Variants in DLGAP1 observed in about 807,000 individuals in gnomAD.
DLGAP1 encodes DLG associated protein 1, also known as disks large-associated protein 1.
Under a neutral mutation model 90.8 loss-of-function variants are expected in DLGAP1, and 11 were observed. The observed-to-expected ratio is 0.12, with a 90% confidence interval of 0.08 to 0.20. The LOEUF (loss-of-function observed/expected upper bound fraction) is 0.20, where lower values mean the gene tolerates loss of function less well. Ranked by LOEUF, DLGAP1 falls within the 10% of genes least tolerant of loss-of-function variation. DLGAP1 has a pLI of 1.00. For synonymous variants in DLGAP1, 558 were observed against 540.7 expected, an observed-to-expected ratio of 1.03 and a Z score of -0.44; for missense variants, 1,050 against 1,333.8, an observed-to-expected ratio of 0.79 and a Z score of 3.31.
intron 4 of DLGAP1, among the ~76,000 whole-genome samples, chr18:3,814,608 G>A (rs1238780506): frequency 4.6e-5 from 7 of 151,994 alleles, no homozygotes; most frequent in Non-Finnish European, 8.8e-5. Context: ...TGATCTGCCC[G>A]CCTCGGCCTC....
In DLGAP1 at chr18:3,879,270, C is replaced by G. The variant is rs930141327; in HGVS notation, c.799G>C (p.Val267Leu). 6.3e-6 allele frequency: 10 copies of G among 1,598,596 alleles called. No individual in the cohort carries two copies. The highest frequency in any genetic ancestry group is 1.3e-5 in the African/African-American group (1 of 74,678). ...VKCSTCANLP[V>L]SLDTPLLKKS... ...TTCAGCAGCGGGGTGTCCAGGCTGA[C>G]CGGCAGGTTGGCGCAGGTGGAGCAC... The change falls in exon 4 of 13, where the codon GTC becomes CTC. Residue 267 changes from valine (V) to leucine (L), a missense_variant. Val to Leu is a conservative substitution (Grantham distance 32, BLOSUM62 1). Coordinates refer to ENST00000315677, the MANE Select transcript of DLGAP1 (RefSeq NM_004746.4). This position sits in a 1 kb window ranked among gnomAD's most constrained non-coding sequence, Gnocchi z 6.6.
At chr18:3,874,681 A>G (rs2148814909) in intron 4 of DLGAP1, 1 of 1,535,488 alleles carries the variant, frequency 6.5e-7, no homozygotes, top group African/African-American at 1.4e-5. Flanking sequence ...CTGAGAATTA[A>G]ACAGTTTTAA....
chr18:4,329,597 T>A (rs1261307870), intron 1 of DLGAP1, among the ~76,000 whole-genome samples: 1 of 151,984 alleles, frequency 6.6e-6, no homozygotes, highest in Non-Finnish European at 1.5e-5. Context: ...GAAAATAATA[T>A]CTCAACACGG....
At chr18:3,860,102 A>AAAT (rs1261336507) in intron 4 of DLGAP1, among the ~76,000 whole-genome samples, 1 of 96,020 alleles carries the variant, frequency 1.0e-5, no homozygotes, top group Non-Finnish European at 2.1e-5. Context: ...CTGTCTCAAA[A>AAAT]AATAAATAAA....
chr18:4,322,788 C>T lies in DLGAP1; in HGVS notation c.-267+132218G>A, dbSNP rs565300136. Reference sequence around the variant, plus strand: ...CATCCTGGCTAACATGGTGAAACTCCGTCTCTACGAAAAAATACAAAAATT... The same window carrying T: ...CATCCTGGCTAACATGGTGAAACTCTGTCTCTACGAAAAAATACAAAAATT... On this transcript the variant is annotated intron_variant, in intron 1 of 12. Coordinates refer to ENST00000315677, the MANE Select transcript of DLGAP1 (RefSeq NM_004746.4). Among the ~76,000 whole-genome samples, 74 of 151,948 alleles carry T rather than the reference C, an allele frequency of 4.9e-4. 1 individual carries two copies. The highest frequency in any genetic ancestry group is 4.0e-3 in the South Asian group (19 of 4,810).
At chr18:3,507,970 C>G (rs567421234) in intron 11 of DLGAP1, among the ~76,000 whole-genome samples, 39 of 152,328 alleles carry the variant, frequency 2.6e-4, no homozygotes, top group Non-Finnish European at 4.0e-4. Context: ...CTCCTGACCT[C>G]AGGTGATCCG....
intron 7 of DLGAP1, among the ~76,000 whole-genome samples, chr18:3,609,778 C>G (rs1002649606): frequency 1.3e-5 from 2 of 151,716 alleles, no homozygotes; most frequent in Non-Finnish European, 2.9e-5. Context: ...ATCTCGGAGG[C>G]CGGGCGCGGT....
In DLGAP1 at chr18:4,255,168, C is replaced by G. The variant is rs77966883; in HGVS notation, c.-266-103881G>C. 6.4e-3 allele frequency among the ~76,000 whole-genome samples: 981 copies of G among 152,246 alleles called. 11 individuals carry two copies. Among genetic ancestry groups the G allele is most frequent in the African/African-American group, 0.022 (930 of 41,534 alleles). On this transcript the variant is annotated intron_variant, in intron 1 of 12. Transcript: ENST00000315677. The stretch of plus-strand genomic sequence containing the variant: ...TTGATGCATTATGGAAAAGAGCGCA[C>G]AGTCAAGTTCATCTATCCTTTAGAT...
At chr18:3,510,718 T>C (rs1214427743) in intron 10 of DLGAP1, among the ~76,000 whole-genome samples, 37 of 152,212 alleles carry the variant, frequency 2.4e-4, no homozygotes, top group Admixed American at 2.4e-3. Flanking sequence ...CCATAGCTCC[T>C]GGGAGCTATC....
chr18:4,269,544 C>T (rs569285650), intron 1 of DLGAP1, among the ~76,000 whole-genome samples: 49 of 151,638 alleles, frequency 3.2e-4, no homozygotes, highest in Middle Eastern at 3.4e-3. Context: ...TTAGTAGAGA[C>T]GGGGTTTCAC....
At chr18:4,115,798 T>C (rs1443389826) in intron 2 of DLGAP1, among the ~76,000 whole-genome samples, 1 of 152,230 alleles carries the variant, frequency 6.6e-6, no homozygotes, top group Non-Finnish European at 1.5e-5. Flanking sequence ...GATATAGTTT[T>C]GCTCCTACCA....
In DLGAP1 at chr18:3,508,559, G is replaced by A; in HGVS notation, c.2571+11C>T. ...CTAGCAGGGAAATTGTAGAAGGAGA[G>A]TGTTACCTACCAGGTTTTCTTCACA... is the stretch of plus-strand genomic sequence containing the variant. On this transcript the variant is annotated intron_variant, in intron 11 of 12. Coordinates refer to ENST00000315677, the MANE Select transcript of DLGAP1 (RefSeq NM_004746.4). The A allele has an allele frequency of 6.2e-7, 1 of 1,600,918 alleles. No individual in the cohort carries two copies. The highest frequency in any genetic ancestry group is 8.5e-7 in the Non-Finnish European group (1 of 1,170,608).
chr18:3,924,747 T>C (rs1243346898), intron 3 of DLGAP1, among the ~76,000 whole-genome samples: 1 of 152,200 alleles, frequency 6.6e-6, no homozygotes, highest in Non-Finnish European at 1.5e-5. Flanking sequence ...GAAATTGGAA[T>C]CTTGCAATTT....
At chr18:4,176,594 G>A (rs1001470377) in intron 1 of DLGAP1, among the ~76,000 whole-genome samples, 9 of 152,136 alleles carry the variant, frequency 5.9e-5, no homozygotes, top group African/African-American at 2.2e-4. Context: ...CAACACTACA[G>A]AAGTCTCCTT....
intron 2 of DLGAP1, among the ~76,000 whole-genome samples, chr18:4,063,648 C>G (rs905804852): frequency 1.6e-4 from 24 of 152,034 alleles, no homozygotes; most frequent in Non-Finnish European, 1.9e-4. Flanking sequence ...CTATAAAAAT[C>G]TGAAAAGAAA....
intron 1 of DLGAP1, among the ~76,000 whole-genome samples, chr18:4,245,688 G>C (rs1382816889): frequency 3.9e-5 from 6 of 152,180 alleles, no homozygotes; most frequent in Non-Finnish European, 8.8e-5. Context: ...GAATCCGCTT[G>C]GGTGGTATCG....
intron 1 of DLGAP1, among the ~76,000 whole-genome samples, chr18:4,447,718 G>C (rs2083702775): frequency 6.6e-6 from 1 of 152,102 alleles, no homozygotes; most frequent in Non-Finnish European, 1.5e-5. Flanking sequence ...AAAAGAGAAA[G>C]GAAAGAGTCA....
chr18:3,642,550 C>G (rs928781092), intron 7 of DLGAP1, among the ~76,000 whole-genome samples: 3 of 152,194 alleles, frequency 2.0e-5, no homozygotes, highest in Admixed American at 6.5e-5. Flanking sequence ...TTATTACTCA[C>G]TCAGTCCTGC....
chr18:4,344,640 C>T (rs1228715815), intron 1 of DLGAP1, among the ~76,000 whole-genome samples: 1 of 152,152 alleles, frequency 6.6e-6, no homozygotes, highest in Non-Finnish European at 1.5e-5. Flanking sequence ...TTACTGAACA[C>T]ACATTATGTG....
Sources: gnomAD v4.1 joint callset for allele counts (sites outside exome capture counted in the v4.1 genomes callset) on GRCh38, gnomAD v4.1.1 for gene constraint, Gnocchi (gnomAD v3.1) non-coding constraint, MANE v1.5 for transcripts, NCBI Gene and HGNC (gene_info 2026-07-23, HGNC 2026-07-21) for gene names.